MCM3AP: variants seen among roughly 807,000 people sequenced by gnomAD.
The protein encoded by MCM3AP is minichromosome maintenance complex component 3 associated protein, also known as germinal-center associated nuclear protein.
MCM3AP carries 126 observed loss-of-function variants against 184.1 expected under a neutral mutation model. The observed-to-expected ratio is 0.68, with a 90% CI of 0.59 to 0.79. MCM3AP has a LOEUF of 0.79. MCM3AP is among the 30% of genes least tolerant of loss of function. The probability of loss-of-function intolerance (pLI) is 0.00; values close to 1 mark genes in which losing one functional copy is unlikely to be tolerated. For synonymous variants in MCM3AP, 1,002 were observed against 979.3 expected (o/e 1.02, Z -0.43); for missense variants, 2,496 against 2,479.2 (o/e 1.01, Z -0.14).
At chr21:46,269,508 G>A (rs2081154825) in intron 9 of MCM3AP, among the ~76,000 whole-genome samples, 1 of 152,194 alleles carries the variant, frequency 6.6e-6, no homozygotes, top group Non-Finnish European at 1.5e-5. Flanking sequence ...ATCTGACAAG[G>A]AGCAAACCTG....
intron 27 of MCM3AP, 118 bp from the exon 28 acceptor site, chr21:46,235,544 T>C: frequency 1.2e-6 from 1 of 807,884 alleles, no homozygotes; most frequent in South Asian, 1.7e-5. Context: ...TCATTTATTT[T>C]TACAGAGGGA....
At chr21:46,243,276 G>A (rs1601486903) in intron 24 of MCM3AP, 189 bp downstream of exon 24, 1 of 761,046 alleles carries the variant, frequency 1.3e-6, no homozygotes, top group East Asian at 2.5e-5. Flanking sequence ...GTGAGTTCAG[G>A]CTCTACCAGA....
intron 9 of MCM3AP, among the ~76,000 whole-genome samples, chr21:46,268,328 CA>C (rs748054825): frequency 1.3e-5 from 2 of 152,246 alleles, no homozygotes; most frequent in Non-Finnish European, 2.9e-5. Context: ...TTCTTTAATT[CA>C]ACCAACACTG....
chr21:46,256,269 CAGG>C (rs2080947252), intron 17 of MCM3AP, among the ~76,000 whole-genome samples: 1 of 152,112 alleles, frequency 6.6e-6, no homozygotes, highest in Admixed American at 6.5e-5. Flanking sequence ...TCGGGGTAAC[CAGG>C]AGGAGTGGCA....
intron 7 of MCM3AP, 129 bp from the exon 8 acceptor site, chr21:46,272,958 T>C (rs1190359016): frequency 1.4e-5 from 12 of 868,610 alleles, no homozygotes; most frequent in East Asian, 5.3e-5. Flanking sequence ...CACATTTTAA[T>C]AGGACTTTGT....
chr21:46,280,241 A>G, intron 3 of MCM3AP, 104 bp from the exon 4 acceptor site: 1 of 1,295,508 alleles, frequency 7.7e-7, no homozygotes, highest in South Asian at 1.2e-5. Context: ...TCATTGTCAC[A>G]GGAGGTTAGA....
At chr21:46,272,431 C>T in intron 8 of MCM3AP, 130 bp downstream of exon 8, 2 of 994,954 alleles carry the variant, frequency 2.0e-6, no homozygotes, top group Non-Finnish European at 3.0e-6. Context: ...AGGTCCTCTA[C>T]TATCATCCCA....
chr21:46,283,782 G>A lies in MCM3AP; in HGVS notation c.1276C>T (p.Leu426Phe). ...ACTTCAGAGGGAGACAAGCCCCCAA[G>A]ACTGTCTGTGCTCTCGCTTCTGTTA... ...QSNRSESTDSLGGLSPSEVTA... is the reference protein window; with the variant it reads ...QSNRSESTDSFGGLSPSEVTA... The change falls in exon 2 of 28, where the codon CTT (leucine) becomes TTT (phenylalanine). Residue 426 changes from leucine to phenylalanine, a missense_variant. Physicochemically the swap from Leu to Phe is conservative, Grantham distance 22. Coordinates refer to ENST00000291688, the MANE Select transcript of MCM3AP (RefSeq NM_003906.5). 1 of 1,614,166 alleles carries A rather than the reference G, an allele frequency of 6.2e-7. No homozygotes were observed. The highest frequency in any genetic ancestry group is 8.5e-7 in the Non-Finnish European group (1 of 1,180,038).
rs74574421 is a variant in MCM3AP at position 46,242,411 on chromosome 21, C to T, written c.5426+391G>A. On this transcript the variant is annotated intron_variant, in intron 25 of 27. Transcript: ENST00000291688. ...ATAAATTTTAAGAAACGTATTTCAA[C>T]GCCTGCTAAAATTACCACTTATTTT... 8.5e-3 allele frequency: 1,299 copies of T among 153,584 alleles called. 15 individuals carry two copies. The highest frequency in any genetic ancestry group is 0.03 in the African/African-American group (1,237 of 41,242). The allele number at this position is 153,584 out of a possible 1,614,324, so 9.5% of individuals were successfully genotyped here.
At chr21:46,283,938 G>C (rs992232129) in intron 1 of MCM3AP, 100 bp from the exon 2 acceptor site, 1 of 1,541,370 alleles carries the variant, frequency 6.5e-7, no homozygotes, top group East Asian at 2.3e-5. Flanking sequence ...TGTAAGACCT[G>C]CTCCGATGAC....
intron 10 of MCM3AP, chr21:46,266,482 A>T: frequency 3.7e-6 from 1 of 273,928 alleles, no homozygotes; most frequent in Non-Finnish European, 6.8e-6. Context: ...AACTGGAAGG[A>T]GGAGACAGGC....
rs1382196024 is a variant in MCM3AP, at chr21:46,243,513, T to C, written c.5248A>G (p.Asn1750Asp). 6.2e-7 allele frequency: 1 copy of C among 1,614,192 alleles called. No individual in the cohort carries two copies. The highest frequency in any genetic ancestry group is 1.1e-5 in the South Asian group (1 of 91,088). The change falls in exon 24 of 28, where the codon AAC (asparagine) becomes GAC (aspartate). Residue 1750 changes from asparagine to aspartate, a missense_variant. Around this residue, in one of 5 missense-constraint regions of MCM3AP, gnomAD observed 1,323 missense variants for 1,273.4 expected, o/e 1.04. Transcript: ENST00000291688. ...GGCGTCCAGTCTCTCAGCTTGTGGT[T>C]GATACACAAGGCGATAAGATCATCC... ...PWDDLIALCI[N>D]HKLRDWTPPR...
rs138344646 is a variant in MCM3AP at position 46,276,109 on chromosome 21, G to A, written c.1859-784C>T. ...TCTACTAAGAATACAAAAATTAGCC[G>A]GGCGTGGTGGCGCATGGCTGTAGTC... On this transcript the variant is annotated intron_variant, in intron 5 of 27. Transcript: ENST00000291688. Among the ~76,000 whole-genome samples, 1,277 of 151,834 alleles carry A rather than the reference G, an allele frequency of 8.4e-3. 20 individuals carry two copies. The highest frequency in any genetic ancestry group is 0.028 in the African/African-American group (1,157 of 41,436).
At chr21:46,260,946 G>A in intron 14 of MCM3AP, 40 bp from the exon 15 acceptor site, 1 of 1,458,006 alleles carries the variant, frequency 6.9e-7, no homozygotes, top group Non-Finnish European at 9.6e-7. Flanking sequence ...TAATGTTTAA[G>A]AATAAAAATA....
At position 46,282,495 on chromosome 21, in the gene MCM3AP, A is replaced by G. The variant is rs531989643; in HGVS notation, c.1443+1120T>C. ...AACATAAGCAGTCCACGTTCACTGC[A>G]CCCTAGAAAGTATTATGCATACATT... On this transcript the variant is annotated intron_variant, in intron 2 of 27. Transcript: ENST00000291688. Among the ~76,000 whole-genome samples, 19 of 152,330 alleles carry G rather than the reference A, an allele frequency of 1.2e-4. No individual in the cohort carries two copies. The East Asian group carries it at 3.3e-3, about 26-fold the overall frequency.
chr21:46,284,387 G>A lies in MCM3AP; in HGVS notation c.900C>T (p.Ser300=). The A allele has an allele frequency of 9.9e-6, 16 of 1,614,206 alleles. No homozygotes were observed. Among genetic ancestry groups the A allele is most frequent in the Non-Finnish European group, 1.3e-5 (15 of 1,180,040 alleles). The change falls in exon 1 of 28, where the codon TCC becomes TCT. Residue 300 remains serine, a synonymous_variant. Transcript: ENST00000291688. ...CTGGCTCGTGGCCATGTCTCCTTGGGGAGCGATCCTGGTCCTCCTTCCTTT... is the reference window on the plus strand; with the variant it reads ...CTGGCTCGTGGCCATGTCTCCTTGGAGAGCGATCCTGGTCCTCCTTCCTTT... The part of the protein sequence containing the change: ...GLKRKEDQDR[S]PRRHGHEPAE...
chr21:46,244,742 A>G (rs2080734562), intron 23 of MCM3AP, 65 bp downstream of exon 23: 1 of 1,520,164 alleles, frequency 6.6e-7, no homozygotes, highest in Non-Finnish European at 8.9e-7. Context: ...CGGTTACTAC[A>G]GTGAGAAGGA....
intron 20 of MCM3AP, chr21:46,250,288 G>A (rs1438734239): frequency 6.6e-6 from 1 of 152,284 alleles, no homozygotes; most frequent in Non-Finnish European, 1.5e-5. Flanking sequence ...GCTATCCCGG[G>A]AAGACGTGGA....
intron 20 of MCM3AP, chr21:46,249,654 A>C (rs530197948): frequency 1.4e-5 from 6 of 442,286 alleles, no homozygotes; most frequent in Non-Finnish European, 2.7e-5. Flanking sequence ...CTCGCATGAC[A>C]TATAACATCC....
Sources: allele counts gnomAD v4.1 joint callset (sites outside exome capture counted in the v4.1 genomes callset), GRCh38; gene constraint gnomAD v4.1.1; regional missense constraint gnomAD v4.1.1; transcripts MANE v1.5; gene names NCBI Gene and HGNC (gene_info 2026-07-23, HGNC 2026-07-21).